SPTA1: variants seen among roughly 807,000 people sequenced by gnomAD.
SPTA1 encodes the protein spectrin alpha, erythrocytic 1, also known as spectrin alpha chain, erythrocytic 1.
In SPTA1, 177 loss-of-function variants were observed where a neutral mutation model predicts 324.7. The observed-to-expected ratio is 0.55, with a 90% CI of 0.48 to 0.62. The LOEUF (loss-of-function observed/expected upper bound fraction) is 0.62. Ranked by LOEUF, SPTA1 falls within the 20% of genes least tolerant of loss-of-function variation. SPTA1 has a pLI of 0.00. For missense variants in SPTA1, 3,162 were observed against 2,883.6 expected, an observed-to-expected ratio of 1.10 and a Z score of -2.21; for synonymous variants, 1,195 against 1,041.3, an observed-to-expected ratio of 1.15 and a Z score of -2.84.
At chr1:158,666,741 T>C (rs1653631367) in intron 15 of SPTA1, among the ~76,000 whole-genome samples, 1 of 152,204 alleles carries the variant, frequency 6.6e-6, no homozygotes, top group South Asian at 2.1e-4. Flanking sequence ...CCTGATAAGA[T>C]ATAGTTCTGC....
At chr1:158,611,961 T>A (rs1259738781) in intron 51 of SPTA1, 1 of 156,628 alleles carries the variant, frequency 6.4e-6, no homozygotes, top group East Asian at 1.9e-4. Flanking sequence ...CACATCATTT[T>A]CTTTTTGTAA....
At chr1:158,629,115 C>A (rs1014720155) in intron 39 of SPTA1, among the ~76,000 whole-genome samples, 2 of 148,138 alleles carry the variant, frequency 1.4e-5, no homozygotes, top group African/African-American at 5.1e-5. Flanking sequence ...CGATAATTCT[C>A]TCAATAGATA....
chr1:158,636,867 G>C, intron 36 of SPTA1, 106 bp from the exon 37 acceptor site: 1 of 1,593,048 alleles, frequency 6.3e-7, no homozygotes, highest in South Asian at 1.1e-5. Context: ...GAGGGAGGTG[G>C]TTGTAAATTC....
rs1480201954 is a variant in SPTA1 at position 158,638,094 on chromosome 1, T to C, written c.5128A>G (p.Lys1710Glu). The C allele has an allele frequency of 6.2e-7, 1 of 1,614,048 alleles. No homozygotes were observed. Among genetic ancestry groups the C allele is most frequent in the South Asian group, 1.1e-5 (1 of 91,086 alleles). The change falls in exon 36 of 52, where the codon AAA becomes GAA. Residue 1710 changes from lysine to glutamate, a missense_variant. Physicochemically the swap from Lys to Glu is moderately conservative, Grantham distance 56 (BLOSUM62 1). Coordinates refer to ENST00000643759, the MANE Select transcript of SPTA1 (RefSeq NM_003126.4). ...AACTGGAACAAGGCATAGGCCTCTT[T>C]CAATTTTTCGTGGTGTGCAGCTGCC... is the stretch of plus-strand genomic sequence containing the variant. ...ELAAAHHEKL[K>E]EAYALFQFFQ...
At position 158,620,230 on chromosome 1, in the gene SPTA1, A is replaced by G. The variant is rs1478936843; in HGVS notation, c.6357T>C (p.Tyr2119=). ...IKALGVPSSP[Y]TWLTVEVLER... ...CCAGCACCTCCACTGTTAACCAGGT[A>G]TAAGGGCTGGAAGGCACACCTAAGG... Residue 2119 remains tyrosine, a synonymous_variant, in exon 44 of 52, where the codon TAT becomes TAC. Coordinates refer to ENST00000643759, the MANE Select transcript of SPTA1 (RefSeq NM_003126.4). The G allele has an allele frequency of 6.2e-7, 1 of 1,614,156 alleles. No individual in the cohort carries two copies. Among genetic ancestry groups the G allele is most frequent in the East Asian group, 2.2e-5 (1 of 44,878 alleles).
At chr1:158,616,804 C>G (rs533587469) in intron 47 of SPTA1, among the ~76,000 whole-genome samples, 1 of 152,186 alleles carries the variant, frequency 6.6e-6, no homozygotes, top group East Asian at 1.9e-4. Flanking sequence ...ATCATATGGT[C>G]TTTATCTTTT....
intron 26 of SPTA1, among the ~76,000 whole-genome samples, chr1:158,648,097 T>G (rs2101847290): frequency 6.6e-6 from 1 of 152,162 alleles, no homozygotes; most frequent in East Asian, 1.9e-4. Context: ...CACTTTTGGG[T>G]TGAAACAGAG....
At chr1:158,634,457 C>T in intron 39 of SPTA1, 86 bp downstream of exon 39, 1 of 1,555,866 alleles carries the variant, frequency 6.4e-7, no homozygotes, top group Admixed American at 1.7e-5. Flanking sequence ...GAAAAATGTC[C>T]TAATATTACA....
chr1:158,684,121 A>G (rs554006131), intron 2 of SPTA1, among the ~76,000 whole-genome samples: 1 of 151,500 alleles, frequency 6.6e-6, no homozygotes, highest in Non-Finnish European at 1.5e-5. Flanking sequence ...TGGTTAACTC[A>G]TCTCTCTGAG....
At position 158,662,688 on chromosome 1, in the gene SPTA1, C is replaced by T. The variant is rs2101892126; in HGVS notation, c.2464+14G>A. Reference sequence around the variant, plus strand: ...TCCTTTCCTAGTGGCTCAGCCTGCTCAGGCTGTACTAACCAAGGTAGGTGG... The same window carrying T: ...TCCTTTCCTAGTGGCTCAGCCTGCTTAGGCTGTACTAACCAAGGTAGGTGG... On this transcript the variant is annotated intron_variant, in intron 17 of 51. Transcript: ENST00000643759. 6.2e-7 allele frequency: 1 copy of T among 1,613,550 alleles called. No homozygotes were observed. Among genetic ancestry groups the T allele is most frequent in the Non-Finnish European group, 8.5e-7 (1 of 1,179,938 alleles).
At position 158,639,672 on chromosome 1, in the gene SPTA1, C is replaced by G. The variant is rs1391776340; in HGVS notation, c.4890G>C (p.Leu1630=). The G allele has an allele frequency of 6.2e-7, 1 of 1,613,828 alleles. No individual in the cohort carries two copies. The highest frequency in any genetic ancestry group is 1.3e-5 in the African/African-American group (1 of 75,022). ...EFWLSEAETL[L]AMKDQARDLA... Reference sequence around the variant, plus strand: ...AGTCCCTGGCCTGATCTTTCATGGCCAGCAATGTCTCTGCCTGGAAATAGA... The same window carrying G: ...AGTCCCTGGCCTGATCTTTCATGGCGAGCAATGTCTCTGCCTGGAAATAGA... The change falls in exon 35 of 52, where the codon CTG becomes CTC. Residue 1630 remains leucine, a synonymous_variant. Coordinates refer to ENST00000643759, the MANE Select transcript of SPTA1 (RefSeq NM_003126.4).
At position 158,647,604 on chromosome 1, in the gene SPTA1, A is replaced by G. The variant is rs1402427920; in HGVS notation, c.3831T>C (p.Arg1277=). The change falls in exon 27 of 52, where the codon CGT becomes CGC. Residue 1277 remains arginine, a synonymous_variant. Coordinates refer to ENST00000643759, the MANE Select transcript of SPTA1 (RefSeq NM_003126.4). ...LNEAWEDLQG[R]TKDRKESLNE... ...TTAGGCTCTCCTTACGATCCTTTGT[A>G]CGCCCCTGCAGGTCTTCCCAGGCCT... 1.2e-6 allele frequency: 2 copies of G among 1,613,744 alleles called. No individual in the cohort carries two copies. The highest frequency in any genetic ancestry group is 2.7e-5 in the African/African-American group (2 of 74,848).
At chr1:158,634,421 C>T (rs1169366790) in intron 39 of SPTA1, 122 bp downstream of exon 39, 12 of 1,397,398 alleles carry the variant, frequency 8.6e-6, no homozygotes, top group Admixed American at 1.7e-5. Context: ...CAGGATTATT[C>T]GTATTTCCTT....
At chr1:158,628,951 A>G (rs1372496933) in intron 39 of SPTA1, among the ~76,000 whole-genome samples, 1 of 152,068 alleles carries the variant, frequency 6.6e-6, no homozygotes, top group African/African-American at 2.4e-5. Flanking sequence ...CTCAACAAAG[A>G]AAATCCCAAG....
chr1:158,612,466 C>T (rs771251050), intron 51 of SPTA1: 25 of 326,236 alleles, frequency 7.7e-5, no homozygotes, highest in Non-Finnish European at 1.4e-4. Flanking sequence ...CCCCACTACA[C>T]CTGAATTTAG....
Position 158,634,690 on chromosome 1 carries a change from C to T in SPTA1, c.5433-15G>A, listed in dbSNP as rs563438935. ...ACTTAAGTCCTCTATAACAAGGTGG[C>T]AAGCCCCAGTGAGGATAAGAACAAA... is the stretch of plus-strand genomic sequence containing the variant. On this transcript the variant is annotated splice_polypyrimidine_tract_variant and intron_variant, in intron 38 of 51. Transcript: ENST00000643759. 1.2e-6 allele frequency: 2 copies of T among 1,613,894 alleles called. No homozygotes were observed. Among genetic ancestry groups the T allele is most frequent in the Admixed American group, 1.7e-5 (1 of 59,986 alleles).
rs1553231217 is a variant in SPTA1 at position 158,652,551 on chromosome 1, C to A, written c.3291G>T (p.Trp1097Cys). ...LAYEAGDMLE[W>C]IQEKKAENTG... is the part of the protein sequence containing the mutation. ...TGTTTTCTGCCTTTTTCTCTTGAAT[C>A]CATTCCAGCATGTCTCCTGCCTCAT... The change falls in exon 23 of 52, where the codon TGG (tryptophan) becomes TGT (cysteine). Residue 1097 changes from tryptophan (W) to cysteine (C), a missense_variant. Physicochemically the swap from Trp to Cys is radical, Grantham distance 215 (BLOSUM62 -2). Coordinates refer to ENST00000643759, the MANE Select transcript of SPTA1 (RefSeq NM_003126.4). The A allele has an allele frequency of 6.2e-7, 1 of 1,614,166 alleles. No homozygotes were observed. Among genetic ancestry groups the A allele is most frequent in the Non-Finnish European group, 8.5e-7 (1 of 1,180,036 alleles).
intron 2 of SPTA1, among the ~76,000 whole-genome samples, chr1:158,684,693 A>C (rs1655043462): frequency 6.6e-6 from 1 of 152,134 alleles, no homozygotes; most frequent in African/African-American, 2.4e-5. Flanking sequence ...TCTGAAAAAA[A>C]ATTGATGTAA....
At chr1:158,638,299 C>T (rs1651248651) in intron 35 of SPTA1, 58 bp from the exon 36 acceptor site, 1 of 1,539,610 alleles carries the variant, frequency 6.5e-7, no homozygotes. Flanking sequence ...TCAGATCCCA[C>T]ACTTTAACAA....
Sources: gnomAD v4.1 joint callset for allele counts (sites outside exome capture counted in the v4.1 genomes callset) on GRCh38, gnomAD v4.1.1 for gene constraint, MANE v1.5 for transcripts, NCBI Gene and HGNC (gene_info 2026-07-23, HGNC 2026-07-21) for gene names.